The following PKD2L2 variants were observed in gnomAD, a reference collection of about 807,000 sequenced individuals.
PKD2L2 encodes the protein polycystin-2-like protein 2.
A neutral mutation model predicts 83.9 loss-of-function variants in PKD2L2; 67 were observed. The observed-to-expected ratio is 0.80, with a 90% CI of 0.66 to 0.98. The LOEUF is 0.98. Ranked by LOEUF, PKD2L2 falls within the 50% of genes least tolerant of loss-of-function variation. PKD2L2 has a pLI of 0.00. For synonymous variants in PKD2L2, 223 were observed against 237.8 expected, an observed-to-expected ratio of 0.94 and a Z score of 0.57; for missense variants, 632 against 717.2, an observed-to-expected ratio of 0.88 and a Z score of 1.36.
Position 137,906,378 on chromosome 5 carries a change from T to G in PKD2L2, c.919T>G (p.Phe307Val). Residue 307 changes from phenylalanine (F) to valine (V), a missense_variant, in exon 6 of 15, where the codon TTT becomes GTT. Phe to Val is a conservative substitution (Grantham distance 50). Coordinates refer to ENST00000508883, the MANE Select transcript of PKD2L2 (RefSeq NM_001300921.2). ...TTQEVKKIKE[F>V]KSAYFKSIWN... Reference sequence around the variant, plus strand: ...ACAAGAAGTCAAAAAAATAAAAGAATTTAAGTCTGCCTATTTCAAAAGTAT... The same window carrying G: ...ACAAGAAGTCAAAAAAATAAAAGAAGTTAAGTCTGCCTATTTCAAAAGTAT... The G allele has an allele frequency of 6.2e-7, 1 of 1,611,096 alleles. No homozygotes were observed. Among genetic ancestry groups the G allele is most frequent in the Non-Finnish European group, 8.5e-7 (1 of 1,177,714 alleles).
intron 5 of PKD2L2, among the ~76,000 whole-genome samples, chr5:137,901,337 A>G (rs1756939234): frequency 6.6e-6 from 1 of 152,168 alleles, no homozygotes; most frequent in South Asian, 2.1e-4. Flanking sequence ...AGCAGACGTC[A>G]TTTTGAAAAT....
intron 12 of PKD2L2, among the ~76,000 whole-genome samples, chr5:137,927,912 C>A (rs2150053648): frequency 6.6e-6 from 1 of 152,214 alleles, no homozygotes; most frequent in Admixed American, 6.5e-5. Context: ...CGCCTGTAAT[C>A]CCAGCACTTT....
At chr5:137,929,558 A>AAAAAG (rs1759686098) in intron 12 of PKD2L2, among the ~76,000 whole-genome samples, 1 of 148,888 alleles carries the variant, frequency 6.7e-6, no homozygotes, top group Admixed American at 6.7e-5. Flanking sequence ...AAAAAAAAAA[A>AAAAAG]ACAGACCACA....
At position 137,920,756 on chromosome 5, in the gene PKD2L2, TA is replaced by T. The variant is rs11455899; in HGVS notation, c.1329-865del. ...TGGGCGACAAGAGCGAAACTCCATC[TA>T]AAAAAAAAAAAAAATCACAAAGAGG... is the stretch of plus-strand genomic sequence containing the variant. On this transcript the variant is annotated intron_variant, in intron 8 of 14. Transcript: ENST00000508883. Among the ~76,000 whole-genome samples, 1,427 of 143,698 alleles carry T rather than the reference TA, an allele frequency of 9.9e-3. 7 individuals carry two copies. The highest frequency in any genetic ancestry group is 0.022 in the Middle Eastern group (6 of 278). The allele number at this position is 143,698 out of a possible 152,430, so 94.3% of individuals were successfully genotyped here.
chr5:137,939,859 G>A (rs1761126099), intron 14 of PKD2L2: 1 of 1,318,006 alleles, frequency 7.6e-7, no homozygotes, highest in Non-Finnish European at 9.6e-7. Flanking sequence ...ATTTTCTTCA[G>A]TAATGAGAAA....
chr5:137,928,161 G>A (rs1020838684), intron 12 of PKD2L2, among the ~76,000 whole-genome samples: 4 of 152,144 alleles, frequency 2.6e-5, no homozygotes, highest in Admixed American at 2.6e-4. Context: ...CAGCAAAGCT[G>A]CGCTTCAAAT....
intron 5 of PKD2L2, among the ~76,000 whole-genome samples, chr5:137,905,074 A>G (rs1757257623): frequency 6.6e-6 from 1 of 152,228 alleles, no homozygotes; most frequent in Non-Finnish European, 1.5e-5. Flanking sequence ...TTTATGTTCT[A>G]AACAAGAATG....
chr5:137,931,007 T>A (rs1355886784), intron 12 of PKD2L2, among the ~76,000 whole-genome samples: 1 of 151,886 alleles, frequency 6.6e-6, no homozygotes, highest in Non-Finnish European at 1.5e-5. Flanking sequence ...ACATACAAAG[T>A]AAGAAATTAC....
intron 8 of PKD2L2, among the ~76,000 whole-genome samples, chr5:137,920,183 A>G (rs889381697): frequency 1.3e-5 from 2 of 152,208 alleles, no homozygotes; most frequent in African/African-American, 2.4e-5. Flanking sequence ...AGTCTGCGTG[A>G]TAAGAGTGAA....
intron 5 of PKD2L2, among the ~76,000 whole-genome samples, chr5:137,905,331 G>A (rs1277344729): frequency 6.6e-6 from 1 of 152,128 alleles, no homozygotes; most frequent in African/African-American, 2.4e-5. Context: ...ACTAAACAGA[G>A]TATTAATTTT....
rs544309006 is a variant in PKD2L2, at chr5:137,923,670, C to A, written c.1551+149C>A. 4.8e-6 allele frequency: 3 copies of A among 620,826 alleles called. No homozygotes were observed. The Admixed American group carries it at 9.0e-5, about 19-fold the overall frequency. The allele number at this position is 620,826 out of a possible 1,614,324, so 38.5% of individuals were successfully genotyped here. A position where few individuals can be genotyped will look rare whatever the true frequency, so the allele number is the denominator to read the frequency against. On this transcript the variant is annotated intron_variant, in intron 10 of 14. Coordinates refer to ENST00000508883, the MANE Select transcript of PKD2L2 (RefSeq NM_001300921.2). ...CCCAGGGTTTGTTTTGTGTTTTGAT[C>A]CAGTGTTACTCATATTCGCATTATT... is the stretch of plus-strand genomic sequence containing the variant.
At chr5:137,935,699 G>A (rs1406625781) in intron 12 of PKD2L2, 98 bp from the exon 13 acceptor site, 4 of 680,368 alleles carry the variant, frequency 5.9e-6, no homozygotes, top group Non-Finnish European at 1.0e-5. Context: ...CTGGAGAGGA[G>A]AACAGCTTAA....
At chr5:137,940,088 A>G in intron 14 of PKD2L2, 1 of 1,614,138 alleles carries the variant, frequency 6.2e-7, no homozygotes, top group African/African-American at 1.3e-5. Context: ...TGTTTTGTTT[A>G]GTGGCACCAC....
chr5:137,923,648 A>C, intron 10 of PKD2L2, 127 bp downstream of exon 10: 1 of 644,308 alleles, frequency 1.6e-6, no homozygotes, highest in Non-Finnish European at 2.8e-6. Flanking sequence ...TCCCATCCCC[A>C]GGGTTTGTTT....
At chr5:137,901,128 CTG>C (rs1474828223) in intron 5 of PKD2L2, among the ~76,000 whole-genome samples, 1 of 146,846 alleles carries the variant, frequency 6.8e-6, no homozygotes, top group Non-Finnish European at 1.5e-5. Flanking sequence ...AAGAGCAAAA[CTG>C]TGTCTCAAAA....
chr5:137,909,793 T>G (rs951422537), intron 8 of PKD2L2, among the ~76,000 whole-genome samples: 1 of 151,922 alleles, frequency 6.6e-6, no homozygotes, highest in Non-Finnish European at 1.5e-5. Flanking sequence ...CCTCGGCCTT[T>G]CAAAAGTGCT....
intron 5 of PKD2L2, among the ~76,000 whole-genome samples, chr5:137,903,302 A>T (rs1417458492): frequency 6.6e-6 from 1 of 152,218 alleles, no homozygotes; most frequent in Non-Finnish European, 1.5e-5. Context: ...ATTTGTTAAC[A>T]TCCCATTGGC....
chr5:137,930,553 C>T (rs188066811), intron 12 of PKD2L2, among the ~76,000 whole-genome samples: 1 of 151,754 alleles, frequency 6.6e-6, no homozygotes, highest in East Asian at 1.9e-4. Flanking sequence ...CGCCTATAAT[C>T]CCAGCTACTC....
intron 2 of PKD2L2, 46 bp downstream of exon 2, chr5:137,890,628 T>A: frequency 1.2e-6 from 1 of 814,810 alleles, no homozygotes; most frequent in Non-Finnish European, 1.9e-6. Context: ...ACTAAGAAGT[T>A]AAAATGTGGA....
Sources: gnomAD v4.1 joint callset for allele counts (sites outside exome capture counted in the v4.1 genomes callset) on GRCh38, gnomAD v4.1.1 for gene constraint, MANE v1.5 for transcripts, NCBI Gene and HGNC (gene_info 2026-07-23, HGNC 2026-07-21) for gene names.